The following EIF1 variants were observed in gnomAD, a reference collection of about 807,000 sequenced individuals.
EIF1 encodes the protein protein translation factor SUI1 homolog.
A neutral mutation model predicts 13.7 loss-of-function variants in EIF1; 4 were observed. That is an observed-to-expected ratio of 0.29 (90% CI 0.14 to 0.67). EIF1 has a LOEUF of 0.67. EIF1 is among the 30% of genes least tolerant of loss of function. The pLI, the probability that EIF1 is intolerant of heterozygous loss-of-function variation, is 0.77. For synonymous variants in EIF1, 67 were observed against 50.7 expected, an observed-to-expected ratio of 1.32 and a Z score of -1.37; for missense variants, 64 against 138.0, an observed-to-expected ratio of 0.46 and a Z score of 2.69.
chr17:41,689,535 TC>T (rs1310040575), intron 1 of EIF1: 13 of 482,204 alleles, frequency 2.7e-5, no homozygotes, highest in Admixed American at 1.6e-4. Context: ...CAGCCCGGAC[TC>T]CCCCGACATG....
chr17:41,689,326 C>T (rs974049116), intron 1 of EIF1: 4 of 583,316 alleles, frequency 6.9e-6, no homozygotes, highest in Middle Eastern at 9.0e-4. Flanking sequence ...GGCTCCTGGG[C>T]CTCCTCGGGC....
In EIF1 at chr17:41,688,915, C is replaced by T. The variant is rs933959619; in HGVS notation, c.-124C>T. ...AGTCACTGAGCCGCCGCCGAGGATT[C>T]AGCAGCCTCCCCCTTGAGCCCCCTC... On this transcript the variant is annotated 5_prime_UTR_variant, in exon 1 of 4. Coordinates refer to ENST00000469257, the MANE Select transcript of EIF1 (RefSeq NM_005801.4). 5 of 968,716 alleles carry T rather than the reference C, an allele frequency of 5.2e-6. No homozygotes were observed. The highest frequency in any genetic ancestry group is 4.8e-5 in the African/African-American group (3 of 62,452). The allele number at this position is 968,716 out of a possible 1,614,324, so 60.0% of individuals were successfully genotyped here.
chr17:41,690,344 A>C (rs1385435911), intron 3 of EIF1, 155 bp downstream of exon 3: 1 of 610,626 alleles, frequency 1.6e-6, no homozygotes, highest in East Asian at 2.8e-5. Context: ...GTTTTATAGG[A>C]AAAAGCAGAA....
At position 41,688,953 on chromosome 17, in the gene EIF1, T is replaced by C; in HGVS notation, c.-86T>C. 1 of 1,445,320 alleles carries C rather than the reference T, an allele frequency of 6.9e-7. No individual in the cohort carries two copies. Among genetic ancestry groups the C allele is most frequent in the Non-Finnish European group, 9.6e-7 (1 of 1,036,952 alleles). The allele number at this position is 1,445,320 out of a possible 1,614,324, so 89.5% of individuals were successfully genotyped here. A position where few individuals can be genotyped will look rare whatever the true frequency, so the allele number is the denominator to read the frequency against. On this transcript the variant is annotated 5_prime_UTR_variant, in exon 1 of 4. Transcript: ENST00000469257. Reference sequence around the variant, plus strand: ...CTTGAGCCCCCTCGCTTCCCGACGTTCCGTTCCCCCCTGCCCGCCTTCTCC... The same window carrying C: ...CTTGAGCCCCCTCGCTTCCCGACGTCCCGTTCCCCCCTGCCCGCCTTCTCC...
chr17:41,690,299 C>T lies in EIF1; in HGVS notation c.297+110C>T, dbSNP rs538251334. On this transcript the variant is annotated intron_variant, in intron 3 of 3. Transcript: ENST00000469257. ...TTGGCTTTGTAAGGCTGAGCAAAAC[C>T]TCAGTTGGGTTTTAAAGTACATAGA... 24 of 808,788 alleles carry T rather than the reference C, an allele frequency of 3.0e-5. No homozygotes were observed. The South Asian group carries it at 3.5e-4, about 12-fold the overall frequency. The allele number at this position is 808,788 out of a possible 1,614,324, so 50.1% of individuals were successfully genotyped here.
chr17:41,689,407 G>A, intron 1 of EIF1: 1 of 516,000 alleles, frequency 1.9e-6, no homozygotes, highest in South Asian at 2.4e-5. Context: ...GATCCGGAGG[G>A]AAAGGCGGTG....
At position 41,692,543 on chromosome 17, in the gene EIF1, A is replaced by G. The variant is rs985830292; in HGVS notation, c.*1717A>G. ...AATGAGCCTCACAGCCGTGCTACAC[A>G]ATAAGATTATAATACTGTATTTTTA... On this transcript the variant is annotated 3_prime_UTR_variant, in exon 4 of 4. Coordinates refer to ENST00000469257, the MANE Select transcript of EIF1 (RefSeq NM_005801.4). 3.7e-5 allele frequency: 4 copies of G among 109,056 alleles called. No individual in the cohort carries two copies. Among genetic ancestry groups the G allele is most frequent in the East Asian group, 3.0e-4 (1 of 3,340 alleles). 6.8% of individuals were successfully genotyped at this position (109,056 alleles called of 1,614,324 possible). A position where few individuals can be genotyped will look rare whatever the true frequency, so the allele number is the denominator to read the frequency against.
At position 41,691,173 on chromosome 17, in the gene EIF1, C is replaced by T. The variant is rs542894484; in HGVS notation, c.*347C>T. ...CTCTCCCTCTGCAGAGTTCCCTACCCTAAGAGAATGTTACCACCTGAACAG... is the reference window on the plus strand; with the variant it reads ...CTCTCCCTCTGCAGAGTTCCCTACCTTAAGAGAATGTTACCACCTGAACAG... On this transcript the variant is annotated 3_prime_UTR_variant, in exon 4 of 4. Transcript: ENST00000469257. 2.1e-6 allele frequency: 1 copy of T among 471,240 alleles called. No homozygotes were observed. 29.2% of individuals were successfully genotyped at this position (471,240 alleles called of 1,614,324 possible). A position where few individuals can be genotyped will look rare whatever the true frequency, so the allele number is the denominator to read the frequency against.
rs1263446000 is a variant in EIF1 at position 41,688,961 on chromosome 17, C to T, written c.-78C>T. The T allele has an allele frequency of 4.0e-6, 6 of 1,500,008 alleles. No homozygotes were observed. Among genetic ancestry groups the T allele is most frequent in the Non-Finnish European group, 4.6e-6 (5 of 1,083,412 alleles). 92.9% of individuals were successfully genotyped at this position (1,500,008 alleles called of 1,614,324 possible). A position where few individuals can be genotyped will look rare whatever the true frequency, so the allele number is the denominator to read the frequency against. On this transcript the variant is annotated 5_prime_UTR_variant, in exon 1 of 4. Transcript: ENST00000469257. The stretch of plus-strand genomic sequence containing the variant: ...CCCTCGCTTCCCGACGTTCCGTTCC[C>T]CCCTGCCCGCCTTCTCCCGCCACCG...
chr17:41,689,322 TGGGCCTCCTC>T, intron 1 of EIF1: 1 of 588,864 alleles, frequency 1.7e-6, no homozygotes, highest in East Asian at 2.9e-5. Context: ...TAATGGCTCC[TGGGCCTCCTC>T]GGGCCACACC....
intron 3 of EIF1, 34 bp downstream of exon 3, chr17:41,690,223 T>C (rs1438990424): frequency 1.9e-6 from 3 of 1,559,526 alleles, no homozygotes; most frequent in Admixed American, 1.7e-5. Flanking sequence ...TGTGCCTCTC[T>C]GCTGGCAAAT....
In EIF1 at chr17:41,691,513, C is replaced by A. The variant is rs9890480; in HGVS notation, c.*687C>A. ...GTCATGTAGCTAGCTGTAGAGCTTG[C>A]AACTTAATAGCAGCAGCTGCCCAAT... On this transcript the variant is annotated 3_prime_UTR_variant, in exon 4 of 4. Transcript: ENST00000469257. 6.5e-6 allele frequency: 1 copy of A among 152,866 alleles called. No homozygotes were observed. The highest frequency in any genetic ancestry group is 1.9e-4 in the East Asian group (1 of 5,206). 9.5% of individuals were successfully genotyped at this position (152,866 alleles called of 1,614,324 possible).
chr17:41,689,332 C>G, intron 1 of EIF1: 1 of 575,314 alleles, frequency 1.7e-6, no homozygotes, highest in Non-Finnish European at 3.1e-6. Flanking sequence ...TGGGCCTCCT[C>G]GGGCCACACC....
rs1910410960 is a variant in EIF1 at position 41,692,412 on chromosome 17, G to C, written c.*1586G>C. The C allele has an allele frequency of 6.6e-6, 1 of 152,190 alleles. No homozygotes were observed. Among genetic ancestry groups the C allele is most frequent in the South Asian group, 2.1e-4 (1 of 4,832 alleles). 9.4% of individuals were successfully genotyped at this position (152,190 alleles called of 1,614,324 possible). A position where few individuals can be genotyped will look rare whatever the true frequency, so the allele number is the denominator to read the frequency against. Reference sequence around the variant, plus strand: ...GAAGGACAATGAATGGCAAGTAAAAGACCAAGTTCTGTTCCTGGGTCCATT... The same window carrying C: ...GAAGGACAATGAATGGCAAGTAAAACACCAAGTTCTGTTCCTGGGTCCATT... On this transcript the variant is annotated 3_prime_UTR_variant, in exon 4 of 4. Coordinates refer to ENST00000469257, the MANE Select transcript of EIF1 (RefSeq NM_005801.4).
Position 41,692,525 on chromosome 17 carries a change from C to T in EIF1, c.*1699C>T, listed in dbSNP as rs1043856673. 1 of 144,630 alleles carries T rather than the reference C, an allele frequency of 6.9e-6. No homozygotes were observed. Among genetic ancestry groups the T allele is most frequent in the African/African-American group, 2.5e-5 (1 of 39,778 alleles). 9.0% of individuals were successfully genotyped at this position (144,630 alleles called of 1,614,324 possible). ...AAGGATGCTTCATTCAACAATGAGC[C>T]TCACAGCCGTGCTACACAATAAGAT... On this transcript the variant is annotated 3_prime_UTR_variant, in exon 4 of 4. Coordinates refer to ENST00000469257, the MANE Select transcript of EIF1 (RefSeq NM_005801.4).
At chr17:41,689,647 A>G in intron 1 of EIF1, 131 bp from the exon 2 acceptor site, 4 of 892,286 alleles carry the variant, frequency 4.5e-6, no homozygotes, top group Non-Finnish European at 6.6e-6. Flanking sequence ...AGCAAAGGAC[A>G]CATTCGGCCT....
chr17:41,690,650 CTGT>C (rs1910348153), intron 3 of EIF1, 129 bp from the exon 4 acceptor site: 6 of 903,662 alleles, frequency 6.6e-6, no homozygotes, highest in South Asian at 1.5e-5. Flanking sequence ...TGAGGACCCT[CTGT>C]TGAACCATTG....
At position 41,691,567 on chromosome 17, in the gene EIF1, GTTTTT is replaced by G. The variant is rs1002290575; in HGVS notation, c.*746_*750del. On this transcript the variant is annotated 3_prime_UTR_variant, in exon 4 of 4. Transcript: ENST00000469257. ...ATGTGAAGTAACAAACTGGTTTTTG[GTTTTT>G]TTTTCCCCTTCAGTTTTAATGTTAT... 2.0e-5 allele frequency: 3 copies of G among 151,826 alleles called. No individual in the cohort carries two copies. Among genetic ancestry groups the G allele is most frequent in the African/African-American group, 7.3e-5 (3 of 41,184 alleles). The allele number at this position is 151,826 out of a possible 1,614,324, so 9.4% of individuals were successfully genotyped here.
intron 2 of EIF1, 55 bp from the exon 3 acceptor site, chr17:41,690,033 G>C: frequency 1.2e-6 from 2 of 1,610,114 alleles, no homozygotes; most frequent in Admixed American, 3.3e-5. Context: ...CGGAAGGGGT[G>C]ATAAATGCGT....
Sources: gnomAD v4.1 joint callset for allele counts on GRCh38, gnomAD v4.1.1 for gene constraint, MANE v1.5 for transcripts, NCBI Gene and HGNC (gene_info 2026-07-23, HGNC 2026-07-21) for gene names.